The following IMPG1 variants were observed in gnomAD, a reference collection of about 807,000 sequenced individuals.
The protein encoded by IMPG1 is interphotoreceptor matrix proteoglycan of 150 kDa.
A neutral mutation model predicts 92.0 loss-of-function variants in IMPG1; 85 were observed. The observed-to-expected ratio is 0.92, with a 90% confidence interval of 0.78 to 1.11. The LOEUF (loss-of-function observed/expected upper bound fraction) is 1.11. Ranked by LOEUF, IMPG1 falls within the 50% of genes least tolerant of loss-of-function variation. The pLI, the probability that IMPG1 is intolerant of heterozygous loss-of-function variation, is 0.00. For missense variants in IMPG1, 1,022 were observed against 956.0 expected, an observed-to-expected ratio of 1.07 and a Z score of -0.91; for synonymous variants, 367 against 334.1, an observed-to-expected ratio of 1.10 and a Z score of -1.08.
At chr6:75,986,128 G>C (rs1217580584) in intron 12 of IMPG1, among the ~76,000 whole-genome samples, 1 of 151,690 alleles carries the variant, frequency 6.6e-6, no homozygotes, top group Admixed American at 6.6e-5. Flanking sequence ...GTTTTTTTTG[G>C]TACTTTGGTA....
At chr6:76,051,095 CAATGACTGGAAGTTAAA>C (rs1784036114) in intron 1 of IMPG1, among the ~76,000 whole-genome samples, 1 of 152,052 alleles carries the variant, frequency 6.6e-6, no homozygotes, top group Non-Finnish European at 1.5e-5. Flanking sequence ...AGCACCAATT[CAATGACTGGAAGTTAAA>C]AAAAAAACAC....
At chr6:76,009,200 C>A (rs775741191) in intron 8 of IMPG1, among the ~76,000 whole-genome samples, 15 of 152,154 alleles carry the variant, frequency 9.9e-5, no homozygotes, top group South Asian at 2.1e-4. Flanking sequence ...AGTATACCCT[C>A]CAACAAGACT....
At chr6:75,939,425 C>T (rs1781803098) in intron 14 of IMPG1, among the ~76,000 whole-genome samples, 1 of 152,094 alleles carries the variant, frequency 6.6e-6, no homozygotes, top group African/African-American at 2.4e-5. Flanking sequence ...TGTTCAATTC[C>T]CACCTATGAG....
rs146424237 is a variant in IMPG1, at chr6:75,943,158, C to T, written c.2044+4156G>A. On this transcript the variant is annotated intron_variant, in intron 14 of 16. Coordinates refer to ENST00000369950, the MANE Select transcript of IMPG1 (RefSeq NM_001563.4). ...AATCTGTGTTTGTGCACCTGACTAC[C>T]ACGTGCTTTGGGGTCGCTATCTCCT... Among the ~76,000 whole-genome samples, 159 of 152,158 alleles carry T rather than the reference C, an allele frequency of 1.0e-3. 2 individuals carry two copies. The highest frequency in any genetic ancestry group is 3.2e-3 in the African/African-American group (132 of 41,502).
At chr6:75,997,770 A>T (rs772446696) in intron 12 of IMPG1, among the ~76,000 whole-genome samples, 55 of 152,278 alleles carry the variant, frequency 3.6e-4, no homozygotes, top group Admixed American at 1.2e-3. Flanking sequence ...CAGGAATTTT[A>T]AAAAAAGGAA....
chr6:75,985,389 G>A (rs1275834869), intron 12 of IMPG1, among the ~76,000 whole-genome samples: 2 of 152,202 alleles, frequency 1.3e-5, no homozygotes, highest in Non-Finnish European at 2.9e-5. Context: ...AGGCAGAACT[G>A]TCTGGCTAGG....
intron 1 of IMPG1, among the ~76,000 whole-genome samples, chr6:76,070,716 G>C (rs1204957018): frequency 6.6e-6 from 1 of 152,074 alleles, no homozygotes; most frequent in Admixed American, 6.6e-5. Flanking sequence ...CTAAGAAACA[G>C]AAAGTCAAAT....
chr6:76,050,501 C>G (rs1025300456), intron 1 of IMPG1, among the ~76,000 whole-genome samples: 1 of 152,166 alleles, frequency 6.6e-6, no homozygotes, highest in Non-Finnish European at 1.5e-5. Context: ...AAAGCCAGCC[C>G]TTTGGTCAAA....
intron 12 of IMPG1, among the ~76,000 whole-genome samples, chr6:76,001,221 A>C (rs1782982991): frequency 6.6e-6 from 1 of 152,218 alleles, no homozygotes; most frequent in Non-Finnish European, 1.5e-5. Flanking sequence ...TTATTAATCT[A>C]CCTGAAATGC....
intron 12 of IMPG1, among the ~76,000 whole-genome samples, chr6:75,954,593 G>A (rs1057001311): frequency 2.6e-5 from 4 of 152,002 alleles, no homozygotes; most frequent in African/African-American, 9.7e-5. Flanking sequence ...AGTTTCTTTT[G>A]CTGTGCAGAA....
At chr6:75,986,690 A>G (rs1265725045) in intron 12 of IMPG1, among the ~76,000 whole-genome samples, 1 of 152,200 alleles carries the variant, frequency 6.6e-6, no homozygotes, top group African/African-American at 2.4e-5. Context: ...TAAAGTGTCA[A>G]ATTGGATCTC....
chr6:76,030,025 A>C (rs891350568), intron 4 of IMPG1, among the ~76,000 whole-genome samples: 2 of 152,090 alleles, frequency 1.3e-5, no homozygotes, highest in African/African-American at 2.4e-5. Context: ...ATTACAACGG[A>C]GGTTAAAAGG....
chr6:75,922,802 C>T (rs891575830), intron 16 of IMPG1, among the ~76,000 whole-genome samples: 3 of 152,062 alleles, frequency 2.0e-5, no homozygotes, highest in Non-Finnish European at 4.4e-5. Context: ...TCCCAGTGTG[C>T]ACTTGGATAC....
At position 75,924,493 on chromosome 6, in the gene IMPG1, TA is replaced by T. The variant is rs1781489898; in HGVS notation, c.2244-788del. On this transcript the variant is annotated intron_variant, in intron 15 of 16. Transcript: ENST00000369950. ...AATATAATTATATATTATAATATAA[TA>T]TAATTATATAATATAATTAATATAA... Among the ~76,000 whole-genome samples, 3 of 97,374 alleles carry T rather than the reference TA, an allele frequency of 3.1e-5. 1 individual carries two copies. Among genetic ancestry groups the T allele is most frequent in the South Asian group, 2.5e-4 (1 of 3,982 alleles). The allele number at this position is 97,374 out of a possible 152,430, so 63.9% of individuals were successfully genotyped here. A position where few individuals can be genotyped will look rare whatever the true frequency, so the allele number is the denominator to read the frequency against.
chr6:76,035,529 A>T (rs2787848), intron 2 of IMPG1, among the ~76,000 whole-genome samples: 2 of 142,662 alleles, frequency 1.4e-5, no homozygotes, highest in South Asian at 2.2e-4. Context: ...AAAAAAGAAA[A>T]ATGTGGCAAG....
chr6:76,041,041 C>T (rs777337472), intron 2 of IMPG1, among the ~76,000 whole-genome samples: 2 of 152,036 alleles, frequency 1.3e-5, no homozygotes, highest in Non-Finnish European at 2.9e-5. Context: ...TCTCAACTTT[C>T]GCATGTAAGA....
chr6:75,972,686 C>G (rs934713677), intron 12 of IMPG1, among the ~76,000 whole-genome samples: 8 of 152,164 alleles, frequency 5.3e-5, no homozygotes, highest in African/African-American at 1.7e-4. Flanking sequence ...GTTTTTTACA[C>G]TTCTGTTTTA....
Position 75,970,721 on chromosome 6 carries a change from C to T in IMPG1, c.1292-19627G>A, listed in dbSNP as rs142864544. Among the ~76,000 whole-genome samples, 463 of 152,140 alleles carry T rather than the reference C, an allele frequency of 3.0e-3. 1 individual carries two copies. The highest frequency in any genetic ancestry group is 0.01 in the African/African-American group (426 of 41,496). ...GTAATTGTAATATGGATTTGACATG[C>T]AATAATGTAATTTTTAATAGTATGA... On this transcript the variant is annotated intron_variant, in intron 12 of 16. Transcript: ENST00000369950.
intron 11 of IMPG1, among the ~76,000 whole-genome samples, chr6:76,003,513 T>C (rs1783036914): frequency 6.6e-6 from 1 of 152,184 alleles, no homozygotes; most frequent in Non-Finnish European, 1.5e-5. Flanking sequence ...AGTATGATCA[T>C]GTTTATATAT....
Sources: gnomAD v4.1 joint callset for allele counts (sites outside exome capture counted in the v4.1 genomes callset) on GRCh38, gnomAD v4.1.1 for gene constraint, MANE v1.5 for transcripts, NCBI Gene and HGNC (gene_info 2026-07-23, HGNC 2026-07-21) for gene names.